TMTC1: variants seen among roughly 807,000 people sequenced by gnomAD.
TMTC1 encodes protein O-mannosyl-transferase TMTC1.
A neutral mutation model predicts 104.8 loss-of-function variants in TMTC1; 73 were observed. The ratio of observed to expected loss-of-function variants is 0.70; its 90% CI spans 0.58 to 0.85. The LOEUF is 0.85. Ranked by LOEUF, TMTC1 falls within the 40% of genes least tolerant of loss-of-function variation. The pLI is 0.00. For synonymous variants in TMTC1, 434 were observed against 428.7 expected (o/e 1.01, Z -0.15); for missense variants, 1,035 against 1,096.1 (o/e 0.94, Z 0.79).
chr12:29,679,022 T>G (rs1940824192), intron 5 of TMTC1, among the ~76,000 whole-genome samples: 1 of 152,162 alleles, frequency 6.6e-6, no homozygotes, highest in Admixed American at 6.5e-5. Flanking sequence ...TATTTATTAA[T>G]AAAAAACCTG....
At chr12:29,682,699 A>C (rs552500410) in intron 5 of TMTC1, among the ~76,000 whole-genome samples, 1 of 152,338 alleles carries the variant, frequency 6.6e-6, no homozygotes, top group South Asian at 2.1e-4. Context: ...AAAGTGACAC[A>C]AGTACAGAGA....
At position 29,768,147 on chromosome 12, in the gene TMTC1, G is replaced by A. The variant is rs1249071953; in HGVS notation, c.303-72C>T. 8.6e-6 allele frequency: 9 copies of A among 1,043,280 alleles called. No individual in the cohort carries two copies. The East Asian group carries it at 1.0e-4, about 12-fold the overall frequency. 64.6% of individuals were successfully genotyped at this position (1,043,280 alleles called of 1,614,324 possible). On this transcript the variant is annotated intron_variant, in intron 1 of 17. Coordinates refer to ENST00000539277, the MANE Select transcript of TMTC1 (RefSeq NM_001193451.2). ...CAACATAAACACAAGGAACACAGACGGAATCCATCATTTAAAAAGATAAGC... is the reference window on the plus strand; with the variant it reads ...CAACATAAACACAAGGAACACAGACAGAATCCATCATTTAAAAAGATAAGC...
chr12:29,635,041 A>G (rs932703475), intron 5 of TMTC1, among the ~76,000 whole-genome samples: 1 of 152,194 alleles, frequency 6.6e-6, no homozygotes, highest in Non-Finnish European at 1.5e-5. Context: ...CAACAAAGAC[A>G]TGGGTTGAAA....
At chr12:29,664,194 T>TAAAAATA (rs981279283) in intron 5 of TMTC1, among the ~76,000 whole-genome samples, 1 of 130,702 alleles carries the variant, frequency 7.7e-6, no homozygotes, top group African/African-American at 2.9e-5. Flanking sequence ...CTCAAAAAAA[T>TAAAAATA]AAAAATAAAA....
intron 5 of TMTC1, among the ~76,000 whole-genome samples, chr12:29,648,678 C>G (rs1408306912): frequency 6.6e-6 from 1 of 151,944 alleles, no homozygotes; most frequent in African/African-American, 2.4e-5. Flanking sequence ...TAGTCCAGTG[C>G]CATCCAATAG....
At chr12:29,669,532 C>A (rs953795213) in intron 5 of TMTC1, among the ~76,000 whole-genome samples, 3 of 152,140 alleles carry the variant, frequency 2.0e-5, no homozygotes, top group Non-Finnish European at 4.4e-5. Context: ...AGGAAGTAGA[C>A]AGCTATTTTG....
chr12:29,764,332 C>T (rs679087), intron 2 of TMTC1, among the ~76,000 whole-genome samples: 2 of 151,780 alleles, frequency 1.3e-5, no homozygotes, highest in Non-Finnish European at 2.9e-5. Flanking sequence ...ATAAAGTATA[C>T]TATATGTATA....
chr12:29,551,086 C>A (rs887031815), intron 10 of TMTC1, among the ~76,000 whole-genome samples: 1 of 151,856 alleles, frequency 6.6e-6, no homozygotes, highest in African/African-American at 2.4e-5. Context: ...CAGGTCACTA[C>A]CACAGGGGTG....
chr12:29,772,760 C>T (rs1378965387), intron 1 of TMTC1, among the ~76,000 whole-genome samples: 1 of 152,108 alleles, frequency 6.6e-6, no homozygotes, highest in African/African-American at 2.4e-5. Flanking sequence ...CTAAAAAGAA[C>T]ATCTCAGGTT....
At chr12:29,756,293 T>A (rs1273183330) in intron 3 of TMTC1, among the ~76,000 whole-genome samples, 2 of 152,222 alleles carry the variant, frequency 1.3e-5, no homozygotes, top group Admixed American at 1.3e-4. Context: ...TTGCTTTACT[T>A]CTTGGTGCTT....
intron 5 of TMTC1, among the ~76,000 whole-genome samples, chr12:29,644,475 A>G (rs117241381): frequency 0.041 from 6,285 of 152,102 alleles, 170 homozygotes; most frequent in Admixed American, 0.066. Context: ...ACTTGCTCAC[A>G]TAACCAAATA....
chr12:29,747,551 C>T (rs1190277475), intron 5 of TMTC1, among the ~76,000 whole-genome samples: 3 of 152,186 alleles, frequency 2.0e-5, no homozygotes, highest in African/African-American at 4.8e-5. Context: ...GTCAACCTCA[C>T]ACCAATGCAT....
At chr12:29,514,050 G>A (rs1943913585) in intron 16 of TMTC1, among the ~76,000 whole-genome samples, 3 of 152,112 alleles carry the variant, frequency 2.0e-5, no homozygotes, top group Admixed American at 1.3e-4. Flanking sequence ...GGCTTCCTAA[G>A]GCAGGAGGAC....
chr12:29,542,231 A>T (rs890171049), intron 10 of TMTC1, among the ~76,000 whole-genome samples: 6 of 152,182 alleles, frequency 3.9e-5, no homozygotes, highest in African/African-American at 1.4e-4. Flanking sequence ...TTGGAGTCAC[A>T]GAAAACTCTG....
intron 1 of TMTC1, among the ~76,000 whole-genome samples, chr12:29,773,091 C>T (rs905355600): frequency 2.0e-5 from 3 of 152,202 alleles, no homozygotes; most frequent in Admixed American, 1.3e-4. Flanking sequence ...ATAGCCATCT[C>T]TCACTATCTG....
intron 11 of TMTC1, among the ~76,000 whole-genome samples, chr12:29,524,489 T>A (rs1398399488): frequency 1.3e-5 from 2 of 152,218 alleles, no homozygotes; most frequent in East Asian, 3.8e-4. Context: ...GCAAGAGAAT[T>A]TAAAGATGAC....
rs1265186120 is a variant in TMTC1 at position 29,504,073 on chromosome 12, C to G, written c.*2773G>C. Reference sequence around the variant, plus strand: ...AACTCCATCCTGGGTGACAAAAAGACAAAGTGGAACTGTGTCTCAAAAAAA... The same window carrying G: ...AACTCCATCCTGGGTGACAAAAAGAGAAAGTGGAACTGTGTCTCAAAAAAA... On this transcript the variant is annotated 3_prime_UTR_variant, in exon 18 of 18. Transcript: ENST00000539277. 1 of 151,862 alleles carries G rather than the reference C, an allele frequency of 6.6e-6. No homozygotes were observed. Among genetic ancestry groups the G allele is most frequent in the African/African-American group, 2.4e-5 (1 of 41,330 alleles). 9.4% of individuals were successfully genotyped at this position (151,862 alleles called of 1,614,324 possible). A position where few individuals can be genotyped will look rare whatever the true frequency, so the allele number is the denominator to read the frequency against.
At chr12:29,771,713 T>C (rs1383346222) in intron 1 of TMTC1, among the ~76,000 whole-genome samples, 1 of 152,052 alleles carries the variant, frequency 6.6e-6, no homozygotes, top group Non-Finnish European at 1.5e-5. Context: ...GTATCCAAAG[T>C]GGGGCAGCAG....
At chr12:29,761,003 CTCTA>C (rs1166630494) in intron 2 of TMTC1, among the ~76,000 whole-genome samples, 21 of 146,784 alleles carry the variant, frequency 1.4e-4, no homozygotes, top group East Asian at 1.2e-3. Context: ...ATATAATATG[CTCTA>C]TCTATAAATT....
Sources: gnomAD v4.1 joint callset for allele counts (sites outside exome capture counted in the v4.1 genomes callset) on GRCh38, gnomAD v4.1.1 for gene constraint, MANE v1.5 for transcripts, NCBI Gene and HGNC (gene_info 2026-07-23, HGNC 2026-07-21) for gene names.